The following CDH23 variants were observed in gnomAD, a reference collection of about 807,000 sequenced individuals.
CDH23 encodes the protein cadherin related 23, also known as cadherin-23.
Under a neutral mutation model 317.1 loss-of-function variants are expected in CDH23, and 189 were observed. The observed-to-expected ratio is 0.60, with a 90% CI of 0.53 to 0.67. CDH23 has a LOEUF of 0.67. CDH23 is among the 30% of genes least tolerant of loss of function. CDH23 has a pLI of 0.00. For synonymous variants in CDH23, 1,839 were observed against 1,876.8 expected (o/e 0.98, Z 0.52); for missense variants, 4,401 against 4,592.4 (o/e 0.96, Z 1.20).
At chr10:71,594,924 T>C (rs931164138) in intron 9 of CDH23, among the ~76,000 whole-genome samples, 1 of 152,222 alleles carries the variant, frequency 6.6e-6, no homozygotes, top group Non-Finnish European at 1.5e-5. Context: ...AGATTAATAT[T>C]TAATTTACCC....
intron 6 of CDH23, among the ~76,000 whole-genome samples, chr10:71,560,926 A>G (rs1857096945): frequency 6.6e-6 from 1 of 152,224 alleles, no homozygotes; most frequent in Admixed American, 6.5e-5. Flanking sequence ...TAGAGATGGC[A>G]CCTATGGTGG....
intron 1 of CDH23, among the ~76,000 whole-genome samples, chr10:71,437,254 T>C (rs908891901): frequency 3.3e-5 from 5 of 152,202 alleles, no homozygotes. Flanking sequence ...TTGTATTTAA[T>C]TGACCCAGCA....
chr10:71,706,783 TG>T (rs1865803976), intron 25 of CDH23, 113 bp from the exon 26 acceptor site: 1 of 1,474,190 alleles, frequency 6.8e-7, no homozygotes, highest in African/African-American at 1.4e-5. Context: ...TTGGAGCCCG[TG>T]ACTCCCTTGG....
At chr10:71,420,530 A>T (rs1361399878) in intron 1 of CDH23, among the ~76,000 whole-genome samples, 1 of 130,902 alleles carries the variant, frequency 7.6e-6, no homozygotes, top group Non-Finnish European at 1.6e-5. Context: ...GAAGGTGATG[A>T]TGATGATGAT....
intron 22 of CDH23, among the ~76,000 whole-genome samples, chr10:71,696,106 A>G (rs1175472419): frequency 6.6e-6 from 1 of 152,196 alleles, no homozygotes; most frequent in Non-Finnish European, 1.5e-5. Flanking sequence ...GAGGGGAGAC[A>G]CGGTCAAAGC....
chr10:71,728,164 G>T (rs905762577), intron 30 of CDH23, among the ~76,000 whole-genome samples: 1 of 152,174 alleles, frequency 6.6e-6, no homozygotes, highest in African/African-American at 2.4e-5. Flanking sequence ...CCGAAAAAGA[G>T]TTCCTGAAAT....
intron 6 of CDH23, among the ~76,000 whole-genome samples, chr10:71,537,920 A>G (rs1444616593): frequency 1.3e-5 from 2 of 152,222 alleles, no homozygotes; most frequent in African/African-American, 4.8e-5. Flanking sequence ...CGGCTGGTAT[A>G]GAGCAGAGCT....
At chr10:71,551,565 T>C (rs74147318) in intron 6 of CDH23, among the ~76,000 whole-genome samples, 16,219 of 152,138 alleles carry the variant, frequency 0.11, 2,351 homozygotes, top group African/African-American at 0.33. Context: ...CTAGTTTGTT[T>C]CTTGGTCAAG....
chr10:71,803,669 A>T (rs1841623618), intron 55 of CDH23, among the ~76,000 whole-genome samples: 1 of 152,118 alleles, frequency 6.6e-6, no homozygotes, highest in Non-Finnish European at 1.5e-5. Flanking sequence ...GGGCTGTGCT[A>T]GTAAAAGATC....
intron 38 of CDH23, among the ~76,000 whole-genome samples, chr10:71,768,165 C>CTGTTGT: frequency 6.6e-6 from 1 of 151,758 alleles, no homozygotes; most frequent in African/African-American, 2.4e-5. Flanking sequence ...GGCTTTGTTG[C>CTGTTGT]TGTTGTTGTT....
At chr10:71,675,263 C>A in intron 15 of CDH23, 87 bp downstream of exon 15, 1 of 1,140,146 alleles carries the variant, frequency 8.8e-7, no homozygotes, top group Non-Finnish European at 1.3e-6. Flanking sequence ...CTTTTCAGTG[C>A]CCAGGGAGGG....
chr10:71,675,660 C>T (rs1429864504), intron 15 of CDH23, among the ~76,000 whole-genome samples: 1 of 152,176 alleles, frequency 6.6e-6, no homozygotes, highest in Non-Finnish European at 1.5e-5. Flanking sequence ...AGTCACTTGT[C>T]CAAAGTCAGA....
At chr10:71,572,703 C>T (rs192344399) in intron 8 of CDH23, among the ~76,000 whole-genome samples, 5 of 152,310 alleles carry the variant, frequency 3.3e-5, no homozygotes, top group East Asian at 3.9e-4. Context: ...CTTCCCTATC[C>T]GTCCCAGAGA....
At chr10:71,697,453 G>C (rs898562346) in intron 22 of CDH23, among the ~76,000 whole-genome samples, 3 of 152,182 alleles carry the variant, frequency 2.0e-5, no homozygotes, top group Non-Finnish European at 2.9e-5. Context: ...CAGATCGCTT[G>C]AGCCCAGGAG....
chr10:71,644,139 C>T (rs1403105061), intron 12 of CDH23, among the ~76,000 whole-genome samples: 1 of 152,248 alleles, frequency 6.6e-6, no homozygotes, highest in East Asian at 1.9e-4. Context: ...CCAGGGAGCG[C>T]TGCAACCTCC....
chr10:71,792,872 T>C (rs1200536563), intron 47 of CDH23, among the ~76,000 whole-genome samples: 1 of 129,580 alleles, frequency 7.7e-6, no homozygotes, highest in Non-Finnish European at 1.6e-5. Flanking sequence ...TATATATATA[T>C]ATATGTCTCA....
chr10:71,679,313 T>G, intron 16 of CDH23, 74 bp from the exon 17 acceptor site: 3 of 579,176 alleles, frequency 5.2e-6, no homozygotes, highest in East Asian at 3.8e-5. Context: ...TTCCCCACCC[T>G]CCCAGCTGCC....
At chr10:71,703,077 C>G (rs1589351176) in intron 24 of CDH23, among the ~76,000 whole-genome samples, 1 of 152,308 alleles carries the variant, frequency 6.6e-6, no homozygotes, top group African/African-American at 2.4e-5. Flanking sequence ...AGCCCCGGAT[C>G]AGCTCCCTTT....
intron 6 of CDH23, among the ~76,000 whole-genome samples, chr10:71,544,584 A>G (rs1235650302): frequency 6.6e-6 from 1 of 152,210 alleles, no homozygotes; most frequent in Non-Finnish European, 1.5e-5. Flanking sequence ...TTAACCGGTT[A>G]GTGACCGGGA....
Sources: gnomAD v4.1 joint callset for allele counts (sites outside exome capture counted in the v4.1 genomes callset) on GRCh38, gnomAD v4.1.1 for gene constraint, MANE v1.5 for transcripts, NCBI Gene and HGNC (gene_info 2026-07-23, HGNC 2026-07-21) for gene names.